RASGEF1C: variants seen among roughly 807,000 people sequenced by gnomAD.
RASGEF1C encodes RasGEF domain family member 1C, also known as ras-GEF domain-containing family member 1C.
Under a neutral mutation model 58.1 loss-of-function variants are expected in RASGEF1C, and 27 were observed. That is an observed-to-expected ratio of 0.46 (90% CI 0.34 to 0.64). The LOEUF is 0.64. RASGEF1C is among the 30% of genes least tolerant of loss of function. The pLI, the probability that RASGEF1C is intolerant of heterozygous loss-of-function variation, is 0.01. For synonymous variants in RASGEF1C, 243 were observed against 246.3 expected, an observed-to-expected ratio of 0.99 and a Z score of 0.13; for missense variants, 502 against 605.1, an observed-to-expected ratio of 0.83 and a Z score of 1.79.
intron 1 of RASGEF1C, among the ~76,000 whole-genome samples, chr5:180,178,759 G>T (rs148336577): frequency 6.6e-6 from 1 of 152,122 alleles, no homozygotes; most frequent in East Asian, 1.9e-4. Flanking sequence ...AGATGTGGGC[G>T]GGGTCCTTAT....
Position 180,174,180 on chromosome 5 carries a change from C to T in RASGEF1C, c.-7+34848G>A, listed in dbSNP as rs1053597470. On this transcript the variant is annotated intron_variant, in intron 1 of 13. Transcript: ENST00000361132. ...GCAGACTGTTTATCTGAAAATAACT[C>T]CAAAAAGCAAGGAGCCATTTAAATA... Among the ~76,000 whole-genome samples the T allele has an allele frequency of 2.6e-5, 4 of 151,944 alleles. No individual in the cohort carries two copies. The South Asian group carries it at 6.2e-4, about 24-fold the overall frequency.
chr5:180,156,396 T>A lies in RASGEF1C; in HGVS notation c.-6-18338A>T, dbSNP rs1192649146. 1.3e-5 allele frequency among the ~76,000 whole-genome samples: 2 copies of A among 152,142 alleles called. No homozygotes were observed. Among genetic ancestry groups the A allele is most frequent in the Non-Finnish European group, 2.9e-5 (2 of 68,030 alleles). The stretch of plus-strand genomic sequence containing the variant: ...GTTGAAAGGGAGTCTTCGGAAACAC[T>A]GGGCTCAGCACAGTTGGTGCCTGGC... On this transcript the variant is annotated intron_variant, in intron 1 of 13. Transcript: ENST00000361132. This position sits in a 1 kb window ranked among gnomAD's most constrained non-coding sequence, Gnocchi z 4.9.
chr5:180,112,163 C>G lies in RASGEF1C; in HGVS notation c.1180-583G>C, dbSNP rs188868052. On this transcript the variant is annotated intron_variant, in intron 11 of 13. Coordinates refer to ENST00000361132, the MANE Select transcript of RASGEF1C (RefSeq NM_175062.4). ...GAAGGGCTAAGGCAGGGGGTTCCCACGCCTGGCTCTGGGCTGGTGTCACCT... is the reference window on the plus strand; with the variant it reads ...GAAGGGCTAAGGCAGGGGGTTCCCAGGCCTGGCTCTGGGCTGGTGTCACCT... Among the ~76,000 whole-genome samples, 73 of 152,180 alleles carry G rather than the reference C, an allele frequency of 4.8e-4. No homozygotes were observed. In the East Asian group the frequency reaches 0.013, roughly 26 times the overall value.
chr5:180,198,022 C>T lies in RASGEF1C; in HGVS notation c.-7+11006G>A, dbSNP rs1018298279. On this transcript the variant is annotated intron_variant, in intron 1 of 13. Transcript: ENST00000361132. The surrounding 1 kb of genome is among the most constrained non-coding windows in gnomAD (Gnocchi z 4.5). Reference sequence around the variant, plus strand: ...ACAGCGGTGCCTGAGTTAGCGTATTCCAAATTCATAAACCAAGGTGACCCC... The same window carrying T: ...ACAGCGGTGCCTGAGTTAGCGTATTTCAAATTCATAAACCAAGGTGACCCC... 3.9e-5 allele frequency among the ~76,000 whole-genome samples: 6 copies of T among 152,180 alleles called. No individual in the cohort carries two copies. Among genetic ancestry groups the T allele is most frequent in the Admixed American group, 3.3e-4 (5 of 15,272 alleles).
chr5:180,105,603 C>T (rs1284441579), intron 12 of RASGEF1C, among the ~76,000 whole-genome samples: 2 of 150,362 alleles, frequency 1.3e-5, no homozygotes, highest in African/African-American at 4.9e-5. Context: ...CGCGGTGGCT[C>T]ACACCTGTAA....
chr5:180,169,339 G>A (rs995030770), intron 1 of RASGEF1C, among the ~76,000 whole-genome samples: 2 of 152,070 alleles, frequency 1.3e-5, no homozygotes, highest in Non-Finnish European at 2.9e-5. Context: ...CTCCCACCTC[G>A]CCTCGGAGTA....
At chr5:180,110,759 A>G (rs12655971) in intron 12 of RASGEF1C, among the ~76,000 whole-genome samples, 49,596 of 151,932 alleles carry the variant, frequency 0.33, 8,345 homozygotes, top group East Asian at 0.48. Context: ...ACACACGTAC[A>G]CGCCTACACA....
chr5:180,138,937 A>G (rs1037161331), intron 1 of RASGEF1C, among the ~76,000 whole-genome samples: 4 of 152,102 alleles, frequency 2.6e-5, no homozygotes, highest in Non-Finnish European at 5.9e-5. Context: ...GCGTCCCACC[A>G]AGGCTGCACC....
chr5:180,102,739 A>G (rs935454668), intron 12 of RASGEF1C, among the ~76,000 whole-genome samples: 4 of 151,940 alleles, frequency 2.6e-5, no homozygotes, highest in East Asian at 3.9e-4. Flanking sequence ...TGGGTTCTCT[A>G]TTCTGTCCCA....
chr5:180,128,318 G>C, intron 5 of RASGEF1C, 92 bp downstream of exon 5: 2 of 1,206,460 alleles, frequency 1.7e-6, no homozygotes, highest in Admixed American at 3.4e-5. Flanking sequence ...TCACAAGCTT[G>C]TGGGGCTGCT....
rs535336304 is a variant in RASGEF1C at position 180,183,778 on chromosome 5, C to T, written c.-7+25250G>A. On this transcript the variant is annotated intron_variant, in intron 1 of 13. Coordinates refer to ENST00000361132, the MANE Select transcript of RASGEF1C (RefSeq NM_175062.4). ...CAGAGGTTGCAGTGAGCCAAGATGG[C>T]ACCACTGCACTCCAGCCTGGGAAAC... Among the ~76,000 whole-genome samples the T allele has an allele frequency of 3.9e-5, 6 of 152,050 alleles. No individual in the cohort carries two copies. The East Asian group carries it at 1.2e-3, about 29-fold the overall frequency.
chr5:180,202,197 G>A (rs999373270), intron 1 of RASGEF1C, among the ~76,000 whole-genome samples: 6 of 152,074 alleles, frequency 3.9e-5, no homozygotes, highest in Admixed American at 1.3e-4. Context: ...TGTTCATTAA[G>A]GAAATTAATG....
chr5:180,137,531 G>GGGCAT lies in RASGEF1C; in HGVS notation c.300+54_300+58dup. On this transcript the variant is annotated intron_variant, in intron 3 of 13. Transcript: ENST00000361132. This position sits in a 1 kb window ranked among gnomAD's most constrained non-coding sequence, Gnocchi z 4.1. ...CCTCCCCGAGAGGCTGATGCGTTGA[G>GGGCAT]GGCATGGCAGGGCAGTGCTGGTACA... The GGGCAT allele has an allele frequency of 6.3e-7, 1 of 1,577,858 alleles. No homozygotes were observed. Among genetic ancestry groups the GGGCAT allele is most frequent in the Non-Finnish European group, 8.6e-7 (1 of 1,164,128 alleles).
rs1239352711 is a variant in RASGEF1C at position 180,168,420 on chromosome 5, C to T, written c.-6-30362G>A. ...TGCACTCCAGCCTGGGCAACAAGAGCGAAACTCCATCTCAAAATAAATAAA... is the reference window on the plus strand; with the variant it reads ...TGCACTCCAGCCTGGGCAACAAGAGTGAAACTCCATCTCAAAATAAATAAA... On this transcript the variant is annotated intron_variant, in intron 1 of 13. Coordinates refer to ENST00000361132, the MANE Select transcript of RASGEF1C (RefSeq NM_175062.4). The surrounding 1 kb of genome is among the most constrained non-coding windows in gnomAD (Gnocchi z 6.0). 6.6e-6 allele frequency among the ~76,000 whole-genome samples: 1 copy of T among 152,040 alleles called. No individual in the cohort carries two copies. The highest frequency in any genetic ancestry group is 6.6e-5 in the Admixed American group (1 of 15,260).
chr5:180,112,927 G>GA lies in RASGEF1C; in HGVS notation c.1180-1348_1180-1347insT, dbSNP rs1765984082. ...GGACCGTGGATGGACAGAGGGATCCGGGATGGACGGAGGGACCGGGGATGG... is the reference window on the plus strand; with the variant it reads ...GGACCGTGGATGGACAGAGGGATCCGAGGATGGACGGAGGGACCGGGGATGG... On this transcript the variant is annotated intron_variant, in intron 11 of 13. Transcript: ENST00000361132. Among the ~76,000 whole-genome samples the GA allele has an allele frequency of 7.7e-5, 9 of 116,346 alleles. 2 individuals are homozygous for GA. The East Asian group carries it at 1.9e-3, about 25-fold the overall frequency. The allele number at this position is 116,346 out of a possible 152,430, so 76.3% of individuals were successfully genotyped here. A position where few individuals can be genotyped will look rare whatever the true frequency, so the allele number is the denominator to read the frequency against.
chr5:180,117,771 A>G (rs1180121204), intron 10 of RASGEF1C, among the ~76,000 whole-genome samples: 1 of 152,184 alleles, frequency 6.6e-6, no homozygotes, highest in Non-Finnish European at 1.5e-5. Context: ...AGGCAGGGAA[A>G]TCACCTGAGG....
At chr5:180,181,583 G>A (rs1372154179) in intron 1 of RASGEF1C, among the ~76,000 whole-genome samples, 1 of 152,222 alleles carries the variant, frequency 6.6e-6, no homozygotes, top group Non-Finnish European at 1.5e-5. Context: ...AGAGACTGGA[G>A]TGATGCGGCT....
intron 1 of RASGEF1C, among the ~76,000 whole-genome samples, chr5:180,191,355 AT>A (rs1756158219): frequency 9.1e-6 from 1 of 109,972 alleles, no homozygotes; most frequent in African/African-American, 2.8e-5. Context: ...CAGTAGCTTT[AT>A]TTACTTATTT....
At chr5:180,191,563 A>G (rs1308722553) in intron 1 of RASGEF1C, among the ~76,000 whole-genome samples, 1 of 152,014 alleles carries the variant, frequency 6.6e-6, no homozygotes, top group East Asian at 1.9e-4. Flanking sequence ...TCACCGTGTT[A>G]GCCAGGATGG....
Sources: gnomAD v4.1 joint callset for allele counts (sites outside exome capture counted in the v4.1 genomes callset) on GRCh38, gnomAD v4.1.1 for gene constraint, Gnocchi (gnomAD v3.1) non-coding constraint, MANE v1.5 for transcripts, NCBI Gene and HGNC (gene_info 2026-07-23, HGNC 2026-07-21) for gene names.